ZNF217: variants seen among roughly 807,000 people sequenced by gnomAD.
The protein encoded by ZNF217 is zinc finger protein 217.
Under a neutral mutation model 73.3 loss-of-function variants are expected in ZNF217, and 12 were observed. That is an observed-to-expected ratio of 0.16 (90% CI 0.10 to 0.27). ZNF217 has a LOEUF of 0.27. Ranked by LOEUF, ZNF217 falls within the 10% of genes least tolerant of loss-of-function variation. The pLI is 1.00. For synonymous variants in ZNF217, 588 were observed against 516.4 expected, an observed-to-expected ratio of 1.14 and a Z score of -1.88; for missense variants, 1,195 against 1,327.8, an observed-to-expected ratio of 0.90 and a Z score of 1.55.
At chr20:53,571,892 AC>A in intron 4 of ZNF217, 39 bp from the exon 5 acceptor site, 1 of 1,575,846 alleles carries the variant, frequency 6.3e-7, no homozygotes, top group Non-Finnish European at 8.6e-7. Flanking sequence ...TTAAGGTCAA[AC>A]AATTAGGTAA....
At chr20:53,578,828 G>A (rs184172432) in intron 2 of ZNF217, among the ~76,000 whole-genome samples, 67 of 152,246 alleles carry the variant, frequency 4.4e-4, no homozygotes, top group African/African-American at 1.5e-3. Context: ...ACATACTGGC[G>A]GGAAAAATTA....
At position 53,577,167 on chromosome 20, in the gene ZNF217, C is replaced by T. The variant is rs1415756211; in HGVS notation, c.1597G>A (p.Val533Ile). ...TCCTGATTTTTACCATCGTTCTTGA[C>T]TTCAGCAGCAACATCGGTTTGTTTT... Reference protein sequence around the residue: ...KEKQTDVAAEVKNDGKNQDTE... With the variant: ...KEKQTDVAAEIKNDGKNQDTE... Residue 533 changes from valine to isoleucine, a missense_variant, in exon 4 of 6, where the codon GTC becomes ATC. Val to Ile is a conservative substitution (Grantham distance 29). Transcript: ENST00000371471. The T allele has an allele frequency of 6.2e-7, 1 of 1,613,922 alleles. No homozygotes were observed. Among genetic ancestry groups the T allele is most frequent in the Non-Finnish European group, 8.5e-7 (1 of 1,180,046 alleles).
rs754082298 is a variant in ZNF217, at chr20:53,582,107, T to C, written c.720A>G (p.Lys240=). ...CGCTGCTGGTACCGAAAGCAGTTTT[T>C]TTGGTGTGCACCTTGCGGTGCTCAA... ...SLIEHRKVHT[K]KTAFGTSSAQ... The change falls in exon 2 of 6, where the codon AAA becomes AAG. Residue 240 remains lysine, a synonymous_variant. Transcript: ENST00000371471. This position sits in a 1 kb window ranked among gnomAD's most constrained non-coding sequence, Gnocchi z 4.8. The C allele has an allele frequency of 6.2e-6, 10 of 1,614,202 alleles. No homozygotes were observed. Among genetic ancestry groups the C allele is most frequent in the Non-Finnish European group, 7.6e-6 (9 of 1,180,024 alleles).
chr20:53,569,021 G>T lies in ZNF217; in HGVS notation c.*267C>A. 1 of 875,328 alleles carries T rather than the reference G, an allele frequency of 1.1e-6. No individual in the cohort carries two copies. Among genetic ancestry groups the T allele is most frequent in the Non-Finnish European group, 1.4e-6 (1 of 703,606 alleles). 54.2% of individuals were successfully genotyped at this position (875,328 alleles called of 1,614,324 possible). A position where few individuals can be genotyped will look rare whatever the true frequency, so the allele number is the denominator to read the frequency against. On this transcript the variant is annotated 3_prime_UTR_variant, in exon 6 of 6. Coordinates refer to ENST00000371471, the MANE Select transcript of ZNF217 (RefSeq NM_006526.3). ...CAATTCTAAGAAAAATATTATTCAG[G>T]GACAAAATAGAGATTTCCAGTCCCC...
rs762773604 is a variant in ZNF217, at chr20:53,582,847, G to A, written c.-21C>T. The A allele has an allele frequency of 3.8e-6, 6 of 1,567,856 alleles. No homozygotes were observed. Among genetic ancestry groups the A allele is most frequent in the Middle Eastern group, 1.7e-4 (1 of 5,844 alleles). ...TGCATATAATCTCAAAGTTCCGTTG[G>A]GCAATTTCTGGAGTTGGAATAAGGC... is the stretch of plus-strand genomic sequence containing the variant. On this transcript the variant is annotated 5_prime_UTR_variant, in exon 2 of 6. Transcript: ENST00000371471. This position sits in a 1 kb window ranked among gnomAD's most constrained non-coding sequence, Gnocchi z 4.8.
chr20:53,575,480 AAAGT>A (rs1352721049), intron 4 of ZNF217: 5 of 406,790 alleles, frequency 1.2e-5, no homozygotes, highest in African/African-American at 4.1e-5. Context: ...CTCTAAAAAT[AAAGT>A]AAGACTAAAC....
intron 1 of ZNF217, among the ~76,000 whole-genome samples, chr20:53,585,273 T>C (rs1195816054): frequency 2.0e-5 from 3 of 152,102 alleles, no homozygotes; most frequent in Non-Finnish European, 2.9e-5. Flanking sequence ...AGAAATATGA[T>C]GTGAGGACGG....
In ZNF217 at chr20:53,582,042, C is replaced by G; in HGVS notation, c.785G>C (p.Arg262Thr). ...DSPQGGMPSS[R>T]EDFLQLFNLR... ...GTTGAACAACTGCAGGAAGTCCTCCCTCGAGGACGGCATTCCTCCTTGTGG... is the reference window on the plus strand; with the variant it reads ...GTTGAACAACTGCAGGAAGTCCTCCGTCGAGGACGGCATTCCTCCTTGTGG... The change falls in exon 2 of 6, where the codon AGG becomes ACG. Residue 262 changes from arginine (R) to threonine (T), a missense_variant. Coordinates refer to ENST00000371471, the MANE Select transcript of ZNF217 (RefSeq NM_006526.3). This position sits in a 1 kb window ranked among gnomAD's most constrained non-coding sequence, Gnocchi z 4.8. The G allele has an allele frequency of 6.2e-7, 1 of 1,614,218 alleles. No individual in the cohort carries two copies.
At chr20:53,585,847 T>TTC (rs1291985333) in intron 1 of ZNF217, among the ~76,000 whole-genome samples, 1 of 152,078 alleles carries the variant, frequency 6.6e-6, no homozygotes, top group East Asian at 1.9e-4. Flanking sequence ...CCAAGGGGTC[T>TTC]TCTTGTGTGG....
At chr20:53,586,904 G>A (rs1009821310) in intron 1 of ZNF217, among the ~76,000 whole-genome samples, 3 of 152,188 alleles carry the variant, frequency 2.0e-5, no homozygotes, top group Admixed American at 6.5e-5. Context: ...AGAACTGGAG[G>A]AGAAAAGCAG....
chr20:53,589,003 T>C (rs73911561), intron 1 of ZNF217, among the ~76,000 whole-genome samples: 5,769 of 152,290 alleles, frequency 0.038, 374 homozygotes, highest in African/African-American at 0.13. Context: ...TTATCCTTAT[T>C]TGATAGAGGT....
intron 4 of ZNF217, 111 bp from the exon 5 acceptor site, chr20:53,571,964 C>T (rs1169942781): frequency 5.1e-5 from 56 of 1,087,596 alleles, no homozygotes; most frequent in Non-Finnish European, 6.7e-5. Context: ...ATGTAATCAA[C>T]GCCTAAGTCA....
intron 1 of ZNF217, among the ~76,000 whole-genome samples, chr20:53,589,428 G>T (rs1334757036): frequency 1.3e-5 from 2 of 152,204 alleles, no homozygotes; most frequent in African/African-American, 4.8e-5. Flanking sequence ...GAGATGTTCA[G>T]AACAGTCAGT....
chr20:53,576,839 C>A lies in ZNF217; in HGVS notation c.1925G>T (p.Arg642Ile). 6.2e-7 allele frequency: 1 copy of A among 1,614,160 alleles called. No individual in the cohort carries two copies. The highest frequency in any genetic ancestry group is 8.5e-7 in the Non-Finnish European group (1 of 1,180,030). The change falls in exon 4 of 6, where the codon AGA becomes ATA. Residue 642 changes from arginine (R) to isoleucine (I), a missense_variant. Physicochemically the swap from Arg to Ile is moderately conservative, Grantham distance 97. Around this residue, in one of 9 missense-constraint regions of ZNF217, gnomAD observed 649 missense variants for 642.8 expected, o/e 1.01. Transcript: ENST00000371471. ...VETQANNLIC[R>I]TKADVTPPPD... ...AGGAGGAGTAACATCCGCCTTGGTT[C>A]TACAGATGAGGTTATTTGCCTGAGT...
At position 53,582,325 on chromosome 20, in the gene ZNF217, G is replaced by T. The variant is rs2145959374; in HGVS notation, c.502C>A (p.Pro168Thr). The T allele has an allele frequency of 1.2e-6, 2 of 1,614,100 alleles. No individual in the cohort carries two copies. The highest frequency in any genetic ancestry group is 1.7e-6 in the Non-Finnish European group (2 of 1,180,028). The change falls in exon 2 of 6, where the codon CCT (proline) becomes ACT (threonine). Residue 168 changes from proline (P) to threonine (T), a missense_variant. By Grantham distance (38) the Pro-to-Thr change is conservative. Transcript: ENST00000371471. This position sits in a 1 kb window ranked among gnomAD's most constrained non-coding sequence, Gnocchi z 4.8. ...CNMCGRRFKEPWFLKNHMRTH... is the reference protein window; with the variant it reads ...CNMCGRRFKETWFLKNHMRTH... ...CGCATGTGATTTTTAAGAAACCAAG[G>T]CTCCTTGAATCTTCTTCCGCACATG...
At chr20:53,570,927 G>A (rs1299781350) in intron 5 of ZNF217, among the ~76,000 whole-genome samples, 1 of 152,200 alleles carries the variant, frequency 6.6e-6, no homozygotes, top group Admixed American at 6.6e-5. Context: ...TGAAAAGCAT[G>A]CACAGTACCT....
At chr20:53,570,806 T>C (rs1250032771) in intron 5 of ZNF217, among the ~76,000 whole-genome samples, 4 of 152,200 alleles carry the variant, frequency 2.6e-5, no homozygotes, top group Non-Finnish European at 5.9e-5. Context: ...AACTAGAACG[T>C]TGGGCATAGA....
In ZNF217 at chr20:53,581,527, C is replaced by T. The variant is rs781136156; in HGVS notation, c.1300G>A (p.Val434Met). 6.2e-6 allele frequency: 10 copies of T among 1,614,074 alleles called. No homozygotes were observed. The highest frequency in any genetic ancestry group is 5.0e-5 in the Admixed American group (3 of 60,010). The change falls in exon 2 of 6, where the codon GTG becomes ATG. Residue 434 changes from valine (V) to methionine (M), a missense_variant. By Grantham distance (21) the Val-to-Met change is conservative (BLOSUM62 1). Coordinates refer to ENST00000371471, the MANE Select transcript of ZNF217 (RefSeq NM_006526.3). This position sits in a 1 kb window ranked among gnomAD's most constrained non-coding sequence, Gnocchi z 4.9. ...TCAGAACCACCTTCCCCTCGATCCA[C>T]GGCTCCATTTTCATCCAGAGGGGCG... ...LAAPLDENGA[V>M]DRGEGGSEDG...
At chr20:53,586,707 C>T (rs3971360) in intron 1 of ZNF217, among the ~76,000 whole-genome samples, 3 of 152,152 alleles carry the variant, frequency 2.0e-5, no homozygotes, top group Non-Finnish European at 4.4e-5. Context: ...ACAATAAAGA[C>T]GTTAATAACA....
Sources: allele counts gnomAD v4.1 joint callset (sites outside exome capture counted in the v4.1 genomes callset), GRCh38; gene constraint gnomAD v4.1.1; regional missense constraint gnomAD v4.1.1; non-coding constraint Gnocchi (gnomAD v3.1); transcripts MANE v1.5; gene names NCBI Gene and HGNC (gene_info 2026-07-23, HGNC 2026-07-21).